HGD: variants seen among roughly 807,000 people sequenced by gnomAD.
HGD encodes the protein homogentisate oxidase.
In HGD, 61 loss-of-function variants were observed where a neutral mutation model predicts 60.8. That is an observed-to-expected ratio of 1.00 (90% confidence interval 0.82 to 1.24). The LOEUF is 1.24. HGD is among the 50% of genes most tolerant of loss of function. HGD has a pLI of 0.00. For missense variants in HGD, 542 were observed against 547.1 expected, an observed-to-expected ratio of 0.99 and a Z score of 0.09; for synonymous variants, 212 against 187.7, an observed-to-expected ratio of 1.13 and a Z score of -1.06.
intron 4 of HGD, among the ~76,000 whole-genome samples, chr3:120,655,572 CAG>C (rs1249134096): frequency 6.6e-6 from 1 of 152,152 alleles, no homozygotes; most frequent in African/African-American, 2.4e-5. Context: ...CAAGAGAAAG[CAG>C]AGATTTTGGT....
chr3:120,650,604 A>G (rs545776976), intron 6 of HGD, among the ~76,000 whole-genome samples, 170 bp downstream of exon 6: 14 of 152,338 alleles, frequency 9.2e-5, no homozygotes, highest in African/African-American at 2.9e-4. Flanking sequence ...TGTCTCATTC[A>G]TTATCATTGT....
intron 4 of HGD, among the ~76,000 whole-genome samples, chr3:120,656,939 C>A (rs1941516317): frequency 6.6e-6 from 1 of 152,212 alleles, no homozygotes; most frequent in African/African-American, 2.4e-5. Context: ...AATGTCAGTT[C>A]TTCACACGTG....
chr3:120,630,556 A>G (rs1940552763), intron 13 of HGD, among the ~76,000 whole-genome samples: 1 of 152,196 alleles, frequency 6.6e-6, no homozygotes, highest in Admixed American at 6.5e-5. Flanking sequence ...TCATGCTGGG[A>G]CAACTGGCTA....
chr3:120,671,588 C>T (rs976429552), intron 3 of HGD, among the ~76,000 whole-genome samples: 4 of 152,160 alleles, frequency 2.6e-5, no homozygotes, highest in Non-Finnish European at 5.9e-5. Context: ...GGTGATTCCT[C>T]AAAGACCTAC....
chr3:120,637,359 A>G (rs1000539220), intron 12 of HGD, among the ~76,000 whole-genome samples: 2 of 152,028 alleles, frequency 1.3e-5, no homozygotes, highest in African/African-American at 2.4e-5. Context: ...GTCTCTTACA[A>G]GTATTATAAA....
intron 13 of HGD, among the ~76,000 whole-genome samples, 197 bp from the exon 14 acceptor site, chr3:120,628,726 C>A (rs537582347): frequency 1.1e-4 from 16 of 152,248 alleles, no homozygotes; most frequent in Non-Finnish European, 1.8e-4. Context: ...GCTGGTGAGA[C>A]CTGGTACAAG....
intron 2 of HGD, 124 bp from the exon 3 acceptor site, chr3:120,675,113 A>C: frequency 1.4e-6 from 1 of 704,148 alleles, no homozygotes; most frequent in Non-Finnish European, 2.6e-6. Context: ...CTGCAACCCG[A>C]TATGTTTCTT....
In HGD at chr3:120,679,003, G is replaced by T. The variant is rs141614005; in HGVS notation, c.15+3094C>A. The stretch of plus-strand genomic sequence containing the variant: ...AAGCTAACATTAAGCAAGTGTGTTT[G>T]TATGTTTTCTACAGTTCGGATTTCT... On this transcript the variant is annotated intron_variant, in intron 1 of 13. Coordinates refer to ENST00000283871, the MANE Select transcript of HGD (RefSeq NM_000187.4). Among the ~76,000 whole-genome samples the T allele has an allele frequency of 3.5e-3, 534 of 152,298 alleles. 3 individuals are homozygous for T. Among genetic ancestry groups the T allele is most frequent in the African/African-American group, 0.012 (506 of 41,568 alleles).
chr3:120,670,600 C>T, intron 3 of HGD, 68 bp from the exon 4 acceptor site: 3 of 889,060 alleles, frequency 3.4e-6, no homozygotes, highest in Admixed American at 3.4e-5. Context: ...CAGAATGGCT[C>T]AGGCAGTACC....
At chr3:120,651,956 T>A (rs1457892405) in intron 5 of HGD, among the ~76,000 whole-genome samples, 4 of 152,224 alleles carry the variant, frequency 2.6e-5, no homozygotes, top group African/African-American at 4.8e-5. Flanking sequence ...ATTTATCATT[T>A]CTTTCAACTA....
intron 3 of HGD, among the ~76,000 whole-genome samples, chr3:120,674,409 T>G (rs368129134): frequency 1.4e-4 from 22 of 152,322 alleles, no homozygotes; most frequent in African/African-American, 5.3e-4. Flanking sequence ...ACCTTATTAA[T>G]TCAAACCACA....
rs1331746983 is a variant in HGD at position 120,642,544 on chromosome 3, T to TGACATATAGTG, written c.775-862_775-852dup. 2.1e-4 allele frequency among the ~76,000 whole-genome samples: 32 copies of TGACATATAGTG among 152,294 alleles called. No homozygotes were observed. In the East Asian group the frequency reaches 3.7e-3, roughly 17 times the overall value. On this transcript the variant is annotated intron_variant, in intron 10 of 13. Coordinates refer to ENST00000283871, the MANE Select transcript of HGD (RefSeq NM_000187.4). ...ACTCTGAAAAAAATACATAAAGCAT[T>TGACATATAGTG]GACATATAGTGTTTACTGATTTCTA...
At chr3:120,681,136 A>G (rs1708223327) in intron 1 of HGD, among the ~76,000 whole-genome samples, 1 of 152,198 alleles carries the variant, frequency 6.6e-6, no homozygotes, top group Non-Finnish European at 1.5e-5. Flanking sequence ...CCTCCCCTTA[A>G]CTGATGGATT....
At chr3:120,633,617 A>T in intron 12 of HGD, 1 of 1,358,588 alleles carries the variant, frequency 7.4e-7, no homozygotes, top group Non-Finnish European at 9.7e-7. Flanking sequence ...CCCAGAGAAG[A>T]TAATAATAAT....
At chr3:120,645,663 G>T (rs1941134347) in intron 9 of HGD, among the ~76,000 whole-genome samples, 1 of 152,090 alleles carries the variant, frequency 6.6e-6, no homozygotes, top group South Asian at 2.1e-4. Context: ...TTGGTGGGGT[G>T]TACACAGAGG....
chr3:120,629,833 T>C (rs1940528905), intron 13 of HGD, among the ~76,000 whole-genome samples: 1 of 152,182 alleles, frequency 6.6e-6, no homozygotes, highest in Non-Finnish European at 1.5e-5. Context: ...GAAGTCAACC[T>C]ATCCCTGTTT....
intron 12 of HGD, among the ~76,000 whole-genome samples, chr3:120,636,041 C>A (rs1240388161): frequency 6.7e-6 from 1 of 148,670 alleles, no homozygotes; most frequent in Non-Finnish European, 1.5e-5. Flanking sequence ...GAAGTCAAGG[C>A]AGGTGGATTG....
chr3:120,657,818 T>G, intron 4 of HGD, among the ~76,000 whole-genome samples: 1 of 146,994 alleles, frequency 6.8e-6, no homozygotes, highest in Admixed American at 6.8e-5. Context: ...GGAACAGGAG[T>G]GAGAGAGAGA....
intron 13 of HGD, among the ~76,000 whole-genome samples, chr3:120,630,268 A>T (rs1940542426): frequency 6.6e-6 from 1 of 152,236 alleles, no homozygotes; most frequent in Non-Finnish European, 1.5e-5. Flanking sequence ...GAACTAGGAA[A>T]GACTATTTTA....
Sources: gnomAD v4.1 joint callset for allele counts (sites outside exome capture counted in the v4.1 genomes callset) on GRCh38, gnomAD v4.1.1 for gene constraint, MANE v1.5 for transcripts, NCBI Gene and HGNC (gene_info 2026-07-23, HGNC 2026-07-21) for gene names.